RELN: variants seen among roughly 807,000 people sequenced by gnomAD.
The protein encoded by RELN is reelin.
A neutral mutation model predicts 427.6 loss-of-function variants in RELN; 108 were observed. That is an observed-to-expected ratio of 0.25 (90% CI 0.22 to 0.30). RELN has a LOEUF of 0.30. Ranked by LOEUF, RELN falls within the 10% of genes least tolerant of loss-of-function variation. RELN has a pLI of 1.00. For missense variants in RELN, 3,715 were observed against 4,302.8 expected, an observed-to-expected ratio of 0.86 and a Z score of 3.82; for synonymous variants, 1,524 against 1,513.4, an observed-to-expected ratio of 1.01 and a Z score of -0.16.
intron 20 of RELN, among the ~76,000 whole-genome samples, chr7:103,613,263 T>C (rs932775086): frequency 6.6e-6 from 1 of 152,232 alleles, no homozygotes; most frequent in African/African-American, 2.4e-5. Flanking sequence ...TTTCTGTTAC[T>C]GTAAGATTGG....
intron 2 of RELN, among the ~76,000 whole-genome samples, chr7:103,890,960 C>G (rs1584337805): frequency 6.6e-6 from 1 of 152,202 alleles, no homozygotes; most frequent in African/African-American, 2.4e-5. Flanking sequence ...CCTGTAATCC[C>G]AGCTGTAATC....
intron 31 of RELN, among the ~76,000 whole-genome samples, chr7:103,570,852 T>A (rs1261889590): frequency 6.6e-6 from 1 of 151,842 alleles, no homozygotes; most frequent in Non-Finnish European, 1.5e-5. Flanking sequence ...TATTAGAGGT[T>A]TATTATTATT....
intron 38 of RELN, among the ~76,000 whole-genome samples, chr7:103,554,305 G>A (rs1022248154): frequency 4.6e-5 from 7 of 151,940 alleles, no homozygotes; most frequent in Admixed American, 6.6e-5. Context: ...GGCCAGGCAC[G>A]GTGGCTCACG....
intron 3 of RELN, among the ~76,000 whole-genome samples, chr7:103,809,161 C>A (rs1792673370): frequency 6.6e-6 from 1 of 152,152 alleles, no homozygotes. Context: ...CTTTCCAATT[C>A]TGAGGGACAC....
At position 103,500,857 on chromosome 7, in the gene RELN, A is replaced by G; in HGVS notation, c.8555T>C (p.Leu2852Pro). 1 of 1,614,128 alleles carries G rather than the reference A, an allele frequency of 6.2e-7. No homozygotes were observed. Among genetic ancestry groups the G allele is most frequent in the South Asian group, 1.1e-5 (1 of 91,082 alleles). The change falls in exon 53 of 65, where the codon CTG becomes CCG. Residue 2852 changes from leucine to proline, a missense_variant. Leu to Pro is a moderately conservative substitution (Grantham distance 98). Coordinates refer to ENST00000428762, the MANE Select transcript of RELN (RefSeq NM_005045.4). ...DMQWAIDNFY[L>P]GPGCLDNCRG... is the part of the protein sequence containing the mutation. ...GCAGTTGTCCAAGCATCCAGGGCCC[A>G]GGTAGAAATTATCGATTGCCCACTG...
Position 103,945,198 on chromosome 7 carries a change from G to A in RELN, c.227-28013C>T, listed in dbSNP as rs1172585170. On this transcript the variant is annotated intron_variant, in intron 1 of 64. Transcript: ENST00000428762. ...CTCTCAAAAGACCTACAAGGGGAAA[G>A]AACAGCAGAACAAAATTGACCAATT... Among the ~76,000 whole-genome samples the A allele has an allele frequency of 2.6e-5, 4 of 152,240 alleles. No homozygotes were observed. In the East Asian group the frequency reaches 5.8e-4, roughly 22 times the overall value.
chr7:103,793,211 G>T (rs1792210782), intron 3 of RELN, among the ~76,000 whole-genome samples: 1 of 152,096 alleles, frequency 6.6e-6, no homozygotes, highest in South Asian at 2.1e-4. Flanking sequence ...TTAGATGAAA[G>T]AAAACACATT....
At chr7:103,784,969 C>T (rs534539722) in intron 3 of RELN, among the ~76,000 whole-genome samples, 1 of 152,174 alleles carries the variant, frequency 6.6e-6, no homozygotes, top group East Asian at 1.9e-4. Context: ...AACCAGCAAG[C>T]TACTGCATAA....
intron 11 of RELN, among the ~76,000 whole-genome samples, chr7:103,665,155 C>T (rs6966411): frequency 0.25 from 38,238 of 151,850 alleles, 5,332 homozygotes; most frequent in South Asian, 0.38. Context: ...TTTTTCTATA[C>T]AGATAGGCAT....
intron 12 of RELN, among the ~76,000 whole-genome samples, chr7:103,655,648 G>C (rs1371329916): frequency 1.3e-5 from 2 of 152,158 alleles, no homozygotes; most frequent in African/African-American, 4.8e-5. Flanking sequence ...AGCTAGAACT[G>C]AATTAGTACA....
chr7:103,696,009 A>G (rs1391276621), intron 10 of RELN, among the ~76,000 whole-genome samples: 1 of 152,146 alleles, frequency 6.6e-6, no homozygotes, highest in Non-Finnish European at 1.5e-5. Flanking sequence ...TTGTTAAGCA[A>G]GAAGTCATTT....
intron 2 of RELN, among the ~76,000 whole-genome samples, chr7:103,859,474 T>C (rs1408005154): frequency 6.6e-6 from 1 of 152,080 alleles, no homozygotes; most frequent in African/African-American, 2.4e-5. Flanking sequence ...TTTGTATTTT[T>C]AGTAGAGACA....
chr7:103,751,487 C>T (rs1347411571), intron 5 of RELN, among the ~76,000 whole-genome samples: 5 of 152,290 alleles, frequency 3.3e-5, no homozygotes, highest in African/African-American at 1.2e-4. Context: ...TGCTCAGACG[C>T]GAAGCCTCAG....
chr7:103,583,720 G>A (rs1831207096), intron 28 of RELN, among the ~76,000 whole-genome samples: 1 of 152,194 alleles, frequency 6.6e-6, no homozygotes, highest in Admixed American at 6.5e-5. Flanking sequence ...AAAGGAGAAG[G>A]AAACAAGTAG....
intron 3 of RELN, among the ~76,000 whole-genome samples, 193 bp downstream of exon 3, chr7:103,833,344 T>C (rs1316101335): frequency 6.6e-6 from 1 of 152,218 alleles, no homozygotes; most frequent in Admixed American, 6.5e-5. Context: ...GAGGTACATA[T>C]AACTATGCAA....
chr7:103,895,072 CTGT>C (rs1211883424), intron 2 of RELN, among the ~76,000 whole-genome samples: 3 of 152,124 alleles, frequency 2.0e-5, no homozygotes, highest in Non-Finnish European at 4.4e-5. Flanking sequence ...AGTTAATTAA[CTGT>C]TAACAGATTC....
At chr7:103,516,067 C>G (rs1237394691) in intron 49 of RELN, among the ~76,000 whole-genome samples, 1 of 152,156 alleles carries the variant, frequency 6.6e-6, no homozygotes, top group Non-Finnish European at 1.5e-5. Flanking sequence ...AGCATGCTAT[C>G]TATCCCTGTC....
chr7:103,523,078 C>G (rs185815647), intron 47 of RELN, among the ~76,000 whole-genome samples: 5 of 152,306 alleles, frequency 3.3e-5, no homozygotes, highest in African/African-American at 1.2e-4. Flanking sequence ...TCAGAACTTA[C>G]TGAACTCCTG....
At chr7:103,604,825 A>T (rs1012668864) in intron 22 of RELN, among the ~76,000 whole-genome samples, 9 of 131,046 alleles carry the variant, frequency 6.9e-5, no homozygotes, top group Non-Finnish European at 9.7e-5. Flanking sequence ...AACTGAACCT[A>T]TCTTTCTTTT....
Sources: allele counts gnomAD v4.1 joint callset (sites outside exome capture counted in the v4.1 genomes callset), GRCh38; gene constraint gnomAD v4.1.1; transcripts MANE v1.5; gene names NCBI Gene and HGNC (gene_info 2026-07-23, HGNC 2026-07-21).